Variants in ME1 observed in about 807,000 individuals in gnomAD.
ME1 encodes NADP-dependent malic enzyme.
ME1 carries 74 observed loss-of-function variants against 66.4 expected under a neutral mutation model. The observed-to-expected ratio is 1.11, with a 90% CI of 0.92 to 1.35. ME1 has a LOEUF of 1.35. Among genes scored for constraint, ME1 ranks in the 40% most tolerant of loss-of-function variants. ME1 has a pLI of 0.00. For missense variants in ME1, 750 were observed against 694.1 expected, an observed-to-expected ratio of 1.08 and a Z score of -0.90; for synonymous variants, 251 against 235.6, an observed-to-expected ratio of 1.07 and a Z score of -0.60.
chr6:83,234,078 T>G (rs1790350165), intron 9 of ME1, among the ~76,000 whole-genome samples: 1 of 152,174 alleles, frequency 6.6e-6, no homozygotes. Context: ...AGCCAACTAC[T>G]TCACAGTTAT....
At chr6:83,222,414 C>A (rs1015361545) in intron 12 of ME1, among the ~76,000 whole-genome samples, 1 of 152,112 alleles carries the variant, frequency 6.6e-6, no homozygotes, top group South Asian at 2.1e-4. Flanking sequence ...TCTTTGTCTA[C>A]ATTCTTGGGG....
At chr6:83,243,402 T>G (rs1401473590) in intron 7 of ME1, among the ~76,000 whole-genome samples, 30 of 60,832 alleles carry the variant, frequency 4.9e-4, no homozygotes, top group African/African-American at 2.8e-3. Context: ...TTATATAATA[T>G]ATTATATAAT....
At chr6:83,234,776 G>C (rs1302179328) in intron 9 of ME1, among the ~76,000 whole-genome samples, 1 of 56,654 alleles carries the variant, frequency 1.8e-5, no homozygotes, top group East Asian at 4.5e-4. Context: ...GCACAGGTTT[G>C]TTTAATTGCT....
intron 3 of ME1, among the ~76,000 whole-genome samples, chr6:83,385,169 C>T (rs2128549070): frequency 6.6e-6 from 1 of 151,990 alleles, no homozygotes; most frequent in Non-Finnish European, 1.5e-5. Flanking sequence ...CACTTCAAAA[C>T]CATGGTATGC....
chr6:83,383,110 GTATACACACATACA>G (rs1398586931), intron 3 of ME1, among the ~76,000 whole-genome samples: 2 of 151,524 alleles, frequency 1.3e-5, no homozygotes, highest in African/African-American at 4.9e-5. Context: ...TCCTTAAAAT[GTATACACACATACA>G]TATACACACA....
intron 6 of ME1, among the ~76,000 whole-genome samples, chr6:83,298,475 A>C (rs1380741881): frequency 6.6e-6 from 1 of 152,130 alleles, no homozygotes; most frequent in African/African-American, 2.4e-5. Context: ...GACCTTTCTC[A>C]GATGGATAGA....
intron 7 of ME1, among the ~76,000 whole-genome samples, chr6:83,245,851 A>T (rs1036247752): frequency 3.3e-5 from 5 of 151,664 alleles, no homozygotes; most frequent in African/African-American, 9.7e-5. Context: ...AGATAGTCTA[A>T]ATTTTTTTTG....
Position 83,251,681 on chromosome 6 carries a change from C to A in ME1, c.814+1948G>T, listed in dbSNP as rs184078329. On this transcript the variant is annotated intron_variant, in intron 7 of 13. Transcript: ENST00000369705. Reference sequence around the variant, plus strand: ...GAAAGGGTATTCTAGGATGAGAGATCAACATTTGGCTAGACCCTTAAATAA... The same window carrying A: ...GAAAGGGTATTCTAGGATGAGAGATAAACATTTGGCTAGACCCTTAAATAA... 1.1e-4 allele frequency among the ~76,000 whole-genome samples: 17 copies of A among 152,118 alleles called. No individual in the cohort carries two copies. The East Asian group carries it at 2.7e-3, about 24-fold the overall frequency.
chr6:83,388,244 A>G (rs971943843), intron 3 of ME1, among the ~76,000 whole-genome samples: 1 of 151,266 alleles, frequency 6.6e-6, no homozygotes, highest in African/African-American at 2.4e-5. Context: ...GCACCACCAC[A>G]CCAGTTGATT....
At chr6:83,378,718 A>G (rs1198283203) in intron 3 of ME1, among the ~76,000 whole-genome samples, 1 of 148,500 alleles carries the variant, frequency 6.7e-6, no homozygotes, top group African/African-American at 2.5e-5. Flanking sequence ...CAGTTAGCAG[A>G]TACTTGGACA....
In ME1 at chr6:83,278,717, C is replaced by T. The variant is rs540730169; in HGVS notation, c.705-24979G>A. On this transcript the variant is annotated intron_variant, in intron 6 of 13. Transcript: ENST00000369705. ...CAGGCAATCCTCCCACCTCAGCCTC[C>T]AAAAGCACCAGAATTACAGGCATGA... Among the ~76,000 whole-genome samples, 6 of 152,244 alleles carry T rather than the reference C, an allele frequency of 3.9e-5. No homozygotes were observed. The South Asian group carries it at 1.0e-3, about 26-fold the overall frequency.
At chr6:83,258,588 T>C (rs1211593657) in intron 6 of ME1, among the ~76,000 whole-genome samples, 1 of 152,174 alleles carries the variant, frequency 6.6e-6, no homozygotes, top group African/African-American at 2.4e-5. Context: ...GAGATTTTGC[T>C]CCCGTGGCAT....
At chr6:83,344,145 G>A (rs948670817) in intron 5 of ME1, among the ~76,000 whole-genome samples, 8 of 151,532 alleles carry the variant, frequency 5.3e-5, no homozygotes, top group Non-Finnish European at 1.0e-4. Flanking sequence ...AATTAGATTG[G>A]TGTGGTGGTG....
At chr6:83,257,031 G>A (rs190410709) in intron 6 of ME1, among the ~76,000 whole-genome samples, 7 of 152,008 alleles carry the variant, frequency 4.6e-5, no homozygotes, top group East Asian at 1.9e-4. Flanking sequence ...TCATCACACC[G>A]GGGCCTGTTT....
At chr6:83,276,850 G>A (rs1767191328) in intron 6 of ME1, among the ~76,000 whole-genome samples, 1 of 152,062 alleles carries the variant, frequency 6.6e-6, no homozygotes, top group Admixed American at 6.6e-5. Flanking sequence ...CACAGTTTCA[G>A]CTTCCCTGGT....
chr6:83,323,143 C>T (rs973938026), intron 5 of ME1, among the ~76,000 whole-genome samples: 1 of 152,126 alleles, frequency 6.6e-6, no homozygotes, highest in Non-Finnish European at 1.5e-5. Flanking sequence ...CTTACAAGAG[C>T]TCCTGAAGGA....
At chr6:83,341,201 G>C (rs1364361371) in intron 5 of ME1, among the ~76,000 whole-genome samples, 1 of 152,056 alleles carries the variant, frequency 6.6e-6, no homozygotes, top group East Asian at 1.9e-4. Context: ...GACACATGTT[G>C]ATATTTCATA....
At chr6:83,271,268 T>A (rs971002676) in intron 6 of ME1, among the ~76,000 whole-genome samples, 1 of 152,156 alleles carries the variant, frequency 6.6e-6, no homozygotes, top group African/African-American at 2.4e-5. Flanking sequence ...ACAAAGTAAG[T>A]TAAATGACAA....
intron 2 of ME1, among the ~76,000 whole-genome samples, chr6:83,404,296 T>C (rs1442958194): frequency 6.6e-6 from 1 of 152,224 alleles, no homozygotes; most frequent in Non-Finnish European, 1.5e-5. Context: ...GCCGCATAAA[T>C]GTCTTCTTTT....
Sources: allele counts gnomAD v4.1 joint callset (sites outside exome capture counted in the v4.1 genomes callset), GRCh38; gene constraint gnomAD v4.1.1; transcripts MANE v1.5; gene names NCBI Gene and HGNC (gene_info 2026-07-23, HGNC 2026-07-21).